KRR1: variants seen among roughly 807,000 people sequenced by gnomAD.
The protein encoded by KRR1 is KRR1 small subunit processome component homolog.
A neutral mutation model predicts 50.0 loss-of-function variants in KRR1; 23 were observed. The ratio of observed to expected loss-of-function variants is 0.46; its 90% confidence interval spans 0.33 to 0.65. The LOEUF is 0.65. Ranked by LOEUF, KRR1 falls within the 30% of genes least tolerant of loss-of-function variation. KRR1 has a pLI of 0.02. For synonymous variants in KRR1, 133 were observed against 146.3 expected (o/e 0.91, Z 0.66); for missense variants, 419 against 442.4 (o/e 0.95, Z 0.47).
intron 1 of KRR1, among the ~76,000 whole-genome samples, chr12:75,511,210 C>T (rs1208638024): frequency 6.6e-6 from 1 of 152,208 alleles, no homozygotes; most frequent in Non-Finnish European, 1.5e-5. Context: ...CACCCGCAGG[C>T]TTACAAGGTT....
Position 75,499,453 on chromosome 12 carries a change from TAAAAGTA to T in KRR1, c.*349_*355del, listed in dbSNP as rs2046374891. ...CCTTAATTTTCTGTTCATGGACTGT[TAAAAGTA>T]AAACCAAACTTTCAAAAGGGATAAA... On this transcript the variant is annotated 3_prime_UTR_variant, in exon 10 of 10. Transcript: ENST00000229214. 6.1e-6 allele frequency: 1 copy of T among 163,910 alleles called. No individual in the cohort carries two copies. Among genetic ancestry groups the T allele is most frequent in the South Asian group, 1.9e-4 (1 of 5,286 alleles). 10.2% of individuals were successfully genotyped at this position (163,910 alleles called of 1,614,324 possible). A position where few individuals can be genotyped will look rare whatever the true frequency, so the allele number is the denominator to read the frequency against.
chr12:75,504,255 A>G, intron 6 of KRR1, 181 bp from the exon 7 acceptor site: 1 of 384,660 alleles, frequency 2.6e-6, no homozygotes, highest in Non-Finnish European at 4.6e-6. Flanking sequence ...AATTATTAGA[A>G]AACCATTAGA....
intron 6 of KRR1, 138 bp from the exon 7 acceptor site, chr12:75,504,212 T>A: frequency 3.9e-6 from 2 of 509,714 alleles, no homozygotes; most frequent in Non-Finnish European, 6.7e-6. Flanking sequence ...ACCAATTACA[T>A]AAGCAAAAAG....
intron 9 of KRR1, 155 bp downstream of exon 9, chr12:75,501,568 A>T (rs924477388): frequency 1.3e-5 from 8 of 593,748 alleles, no homozygotes; most frequent in Non-Finnish European, 1.8e-5. Context: ...ATTATAAATT[A>T]TCTCAGCCAT....
chr12:75,505,164 A>G (rs755844824), intron 6 of KRR1, 34 bp downstream of exon 6: 10 of 1,497,000 alleles, frequency 6.7e-6, no homozygotes, highest in Non-Finnish European at 9.0e-6. Flanking sequence ...AAGTATGATA[A>G]TCACTGGTAC....
intron 9 of KRR1, chr12:75,500,556 A>T (rs531349272): frequency 6.6e-6 from 1 of 152,192 alleles, no homozygotes; most frequent in East Asian, 1.9e-4. Context: ...AATTAATAGT[A>T]TTTTAACAAG....
chr12:75,509,750 G>T (rs1195361267), intron 1 of KRR1, among the ~76,000 whole-genome samples: 1 of 150,750 alleles, frequency 6.6e-6, no homozygotes, highest in Non-Finnish European at 1.5e-5. Context: ...GTGCCATCAT[G>T]TCCGGCTAAT....
intron 2 of KRR1, 65 bp downstream of exon 2, chr12:75,508,209 A>C: frequency 2.5e-6 from 3 of 1,222,402 alleles, no homozygotes; most frequent in Non-Finnish European, 3.4e-6. Flanking sequence ...ATTAGCATAC[A>C]TACATTTAAA....
rs562012197 is a variant in KRR1, at chr12:75,494,084, G to A, written c.*5725C>T. On this transcript the variant is annotated 3_prime_UTR_variant, in exon 10 of 10. Transcript: ENST00000229214. Reference sequence around the variant, plus strand: ...TACTATATTACCTTTTTTCCATGGTGTAGAGTAAGCAGAGGGCTAATTAAA... The same window carrying A: ...TACTATATTACCTTTTTTCCATGGTATAGAGTAAGCAGAGGGCTAATTAAA... 1 of 152,160 alleles carries A rather than the reference G, an allele frequency of 6.6e-6. No homozygotes were observed. Among genetic ancestry groups the A allele is most frequent in the East Asian group, 1.9e-4 (1 of 5,176 alleles). The allele number at this position is 152,160 out of a possible 1,614,324, so 9.4% of individuals were successfully genotyped here.
In KRR1 at chr12:75,506,328, A is replaced by C. The variant is rs749880529; in HGVS notation, c.591T>G (p.Ser197Arg). ...ACATAGTTCTCACCTCTTTTAAGCC[A>C]CTAAAAGGTCCAATGGCTGAAACTG... The part of the protein sequence containing the change: ...GNTVSAIGPF[S>R]GLKEVRKVVL... The change falls in exon 5 of 10, where the codon AGT becomes AGG. Residue 197 changes from serine (S) to arginine (R), a missense_variant. By Grantham distance (110) the Ser-to-Arg change is moderately radical. Coordinates refer to ENST00000229214, the MANE Select transcript of KRR1 (RefSeq NM_007043.7). 1.2e-6 allele frequency: 2 copies of C among 1,607,336 alleles called. No individual in the cohort carries two copies. The highest frequency in any genetic ancestry group is 1.1e-5 in the South Asian group (1 of 90,648).
intron 9 of KRR1, chr12:75,500,721 A>G (rs1017749974): frequency 9.2e-5 from 14 of 152,026 alleles, no homozygotes; most frequent in African/African-American, 3.1e-4. Context: ...TTTTCTTACC[A>G]TTCAAAGTAC....
rs1316903259 is a variant in KRR1 at position 75,498,686 on chromosome 12, C to CTT, written c.*1121_*1122dup. The CTT allele has an allele frequency of 3.7e-6, 6 of 1,610,758 alleles. No individual in the cohort carries two copies. The African/African-American group carries it at 4.0e-5, about 11-fold the overall frequency. On this transcript the variant is annotated 3_prime_UTR_variant, in exon 10 of 10. Transcript: ENST00000229214. ...AATTTTTTTTCTTTCTTCCCCCTAA[C>CTT]TTTACAGTTAACCGACAGCGAGACC...
intron 1 of KRR1, 42 bp downstream of exon 1, chr12:75,511,471 A>C (rs183262443): frequency 6.5e-7 from 1 of 1,546,458 alleles, no homozygotes; most frequent in African/African-American, 1.4e-5. Flanking sequence ...ATCGCAACTC[A>C]ACGTACACAA....
chr12:75,510,167 G>T (rs1371035739), intron 1 of KRR1, among the ~76,000 whole-genome samples: 1 of 152,054 alleles, frequency 6.6e-6, no homozygotes, highest in Admixed American at 6.5e-5. Flanking sequence ...ACTAATGTAA[G>T]GCAATGACAA....
At position 75,495,997 on chromosome 12, in the gene KRR1, G is replaced by GTTTTTTTTTTTTTTTTTTTTTTT. The variant is rs370713345; in HGVS notation, c.*3811_*3812insAAAAAAAAAAAAAAAAAAAAAAA. The GTTTTTTTTTTTTTTTTTTTTTTT allele has an allele frequency of 3.8e-5, 5 of 132,126 alleles. 1 individual carries two copies. Among genetic ancestry groups the GTTTTTTTTTTTTTTTTTTTTTTT allele is most frequent in the Non-Finnish European group, 4.7e-5 (3 of 64,254 alleles). 8.2% of individuals were successfully genotyped at this position (132,126 alleles called of 1,614,324 possible). A position where few individuals can be genotyped will look rare whatever the true frequency, so the allele number is the denominator to read the frequency against. ...TCCAAACAAACAGAATTCTGTTTTCGTTTTTTTTTTTGTTTTTTTTTTTTG... is the reference window on the plus strand; with the variant it reads ...TCCAAACAAACAGAATTCTGTTTTCGTTTTTTTTTTTTTTTTTTTTTTTTTTTTTTTTTTGTTTTTTTTTTTTG... On this transcript the variant is annotated 3_prime_UTR_variant, in exon 10 of 10. Transcript: ENST00000229214.
rs762715577 is a variant in KRR1, at chr12:75,499,874, G to A, written c.1081C>T (p.Leu361Phe). ...KKAKNKKLGA[L>F]TAEEIALKME... ...TTAAGTGCAATTTCTTCAGCTGTAA[G>A]AGCTCCCAGTTTCTTATTCTTTGCT... The change falls in exon 10 of 10, where the codon CTT becomes TTT. Residue 361 changes from leucine to phenylalanine, a missense_variant. Physicochemically the swap from Leu to Phe is conservative, Grantham distance 22. Coordinates refer to ENST00000229214, the MANE Select transcript of KRR1 (RefSeq NM_007043.7). 1.9e-6 allele frequency: 3 copies of A among 1,608,924 alleles called. No homozygotes were observed. Among genetic ancestry groups the A allele is most frequent in the Non-Finnish European group, 1.7e-6 (2 of 1,177,848 alleles).
Position 75,509,138 on chromosome 12 carries a change from A to T in KRR1, c.86-692T>A, listed in dbSNP as rs180964827. Among the ~76,000 whole-genome samples the T allele has an allele frequency of 3.0e-3, 461 of 152,318 alleles. 2 individuals carry two copies. The highest frequency in any genetic ancestry group is 0.01 in the African/African-American group (417 of 41,576). Reference sequence around the variant, plus strand: ...CAAGAAAATGCCTCCTAAGGGCCGTAAATTATCTTCTGAATCATTTATTTA... The same window carrying T: ...CAAGAAAATGCCTCCTAAGGGCCGTTAATTATCTTCTGAATCATTTATTTA... On this transcript the variant is annotated intron_variant, in intron 1 of 9. Transcript: ENST00000229214.
rs879556528 is a variant in KRR1, at chr12:75,496,803, TTCTA to T, written c.*3002_*3005del. 1 of 152,184 alleles carries T rather than the reference TTCTA, an allele frequency of 6.6e-6. No homozygotes were observed. Among genetic ancestry groups the T allele is most frequent in the Non-Finnish European group, 1.5e-5 (1 of 68,034 alleles). 9.4% of individuals were successfully genotyped at this position (152,184 alleles called of 1,614,324 possible). ...CCCTTGCAGGCCTAAAATTATAAAATTCTATATATTAAACTGCTTGCTCTCCTCC... is the reference window on the plus strand; with the variant it reads ...CCCTTGCAGGCCTAAAATTATAAAATTATATTAAACTGCTTGCTCTCCTCC... On this transcript the variant is annotated 3_prime_UTR_variant, in exon 10 of 10. Coordinates refer to ENST00000229214, the MANE Select transcript of KRR1 (RefSeq NM_007043.7).
At chr12:75,510,783 C>T (rs2046444493) in intron 1 of KRR1, among the ~76,000 whole-genome samples, 1 of 152,196 alleles carries the variant, frequency 6.6e-6, no homozygotes, top group Admixed American at 6.5e-5. Context: ...ATGTACGTTA[C>T]ATAATCATTT....
Sources: gnomAD v4.1 joint callset for allele counts (sites outside exome capture counted in the v4.1 genomes callset) on GRCh38, gnomAD v4.1.1 for gene constraint, MANE v1.5 for transcripts, NCBI Gene and HGNC (gene_info 2026-07-23, HGNC 2026-07-21) for gene names.